ZNF385D: variants seen among roughly 807,000 people sequenced by gnomAD.
ZNF385D encodes the protein zinc finger protein 659.
Under a neutral mutation model 35.8 loss-of-function variants are expected in ZNF385D, and 15 were observed. The ratio of observed to expected loss-of-function variants is 0.42; its 90% CI spans 0.28 to 0.64. The LOEUF is 0.64. Among genes scored for constraint, ZNF385D ranks in the 30% least tolerant of loss-of-function variants. ZNF385D has a pLI of 0.23. For synonymous variants in ZNF385D, 212 were observed against 186.8 expected (o/e 1.13, Z -1.10); for missense variants, 474 against 494.6 (o/e 0.96, Z 0.39).
At chr3:21,931,309 G>T (rs905142478) in intron 3 of ZNF385D, among the ~76,000 whole-genome samples, 1 of 152,116 alleles carries the variant, frequency 6.6e-6, no homozygotes, top group Non-Finnish European at 1.5e-5. Context: ...TATTAGAGAG[G>T]ATGAGGAGAC....
intron 3 of ZNF385D, among the ~76,000 whole-genome samples, chr3:21,923,660 G>C (rs371127952): frequency 1.3e-5 from 2 of 151,796 alleles, no homozygotes; most frequent in South Asian, 4.1e-4. Flanking sequence ...TACACAACAT[G>C]GAATACTATG....
chr3:21,855,724 G>A (rs1015306375), intron 3 of ZNF385D, among the ~76,000 whole-genome samples: 2 of 151,970 alleles, frequency 1.3e-5, no homozygotes, highest in East Asian at 1.9e-4. Context: ...GAATGAGAAG[G>A]TGATATTAAA....
chr3:21,686,923 A>T (rs555968879), intron 1 of ZNF385D, among the ~76,000 whole-genome samples: 3 of 152,298 alleles, frequency 2.0e-5, no homozygotes, highest in Admixed American at 2.0e-4. Flanking sequence ...TGGTTCTCCC[A>T]TCCTGAAAGG....
intron 4 of ZNF385D, among the ~76,000 whole-genome samples, chr3:21,475,843 T>A (rs1704201831): frequency 6.6e-6 from 1 of 152,024 alleles, no homozygotes; most frequent in African/African-American, 2.4e-5. Flanking sequence ...TGAAGGAAAA[T>A]CTTTTTTTTT....
intron 3 of ZNF385D, among the ~76,000 whole-genome samples, chr3:21,912,420 T>C (rs1270772376): frequency 1.3e-5 from 2 of 151,952 alleles, no homozygotes; most frequent in Non-Finnish European, 2.9e-5. Flanking sequence ...AGAGACAAAA[T>C]AGGAAGGAGT....
At chr3:22,356,294 A>G (rs74532072) in intron 2 of ZNF385D, among the ~76,000 whole-genome samples, 4,365 of 152,082 alleles carry the variant, frequency 0.029, 215 homozygotes, top group African/African-American at 0.1. Context: ...CACAGGAGGT[A>G]TATTTCAATG....
intron 3 of ZNF385D, among the ~76,000 whole-genome samples, chr3:21,938,192 G>T (rs1005889012): frequency 6.6e-6 from 1 of 152,150 alleles, no homozygotes; most frequent in Non-Finnish European, 1.5e-5. Flanking sequence ...CGGATAATTT[G>T]TTCTAATACC....
intron 2 of ZNF385D, among the ~76,000 whole-genome samples, chr3:22,216,015 T>G (rs888228269): frequency 6.6e-6 from 1 of 152,040 alleles, no homozygotes; most frequent in African/African-American, 2.4e-5. Context: ...TGCTCCCAGT[T>G]CTGCTCCTAT....
At chr3:21,916,148 T>C (rs956341494) in intron 3 of ZNF385D, among the ~76,000 whole-genome samples, 10 of 152,150 alleles carry the variant, frequency 6.6e-5, no homozygotes, top group Admixed American at 5.2e-4. Context: ...TATCACAAGG[T>C]AAAAACTCTA....
At chr3:21,681,709 AAC>A (rs1411666502) in intron 1 of ZNF385D, among the ~76,000 whole-genome samples, 3 of 150,642 alleles carry the variant, frequency 2.0e-5, no homozygotes, top group Non-Finnish European at 4.4e-5. Context: ...AAAAAAAAAA[AAC>A]AAACAAAAAA....
chr3:21,726,319 T>C (rs1453467312), intron 1 of ZNF385D, among the ~76,000 whole-genome samples: 8 of 152,178 alleles, frequency 5.3e-5, no homozygotes, highest in Non-Finnish European at 1.5e-5. Context: ...TACTGGAAGT[T>C]CTGGCCAGGG....
upstream of ZNF385D, among the ~76,000 whole-genome samples, chr3:21,754,560 C>T (rs924198986): frequency 6.6e-6 from 1 of 151,896 alleles, no homozygotes; most frequent in African/African-American, 2.4e-5. Context: ...TGCCTTGACT[C>T]CTCATCTCAT....
chr3:21,977,595 G>C (rs923236741), intron 3 of ZNF385D, among the ~76,000 whole-genome samples: 1 of 152,110 alleles, frequency 6.6e-6, no homozygotes, highest in South Asian at 2.1e-4. Flanking sequence ...ATAGTGGGAA[G>C]AGTGCTTGAG....
chr3:21,917,708 G>C (rs1700256899), intron 3 of ZNF385D, among the ~76,000 whole-genome samples: 1 of 151,994 alleles, frequency 6.6e-6, no homozygotes, highest in South Asian at 2.1e-4. Context: ...ACTTTATTGG[G>C]AAAAAAATCA....
intron 3 of ZNF385D, among the ~76,000 whole-genome samples, chr3:22,029,120 G>A (rs111318802): frequency 8.6e-4 from 131 of 152,248 alleles, no homozygotes; most frequent in African/African-American, 3.1e-3. Flanking sequence ...GCCACCAGGA[G>A]ACACAACAAT....
chr3:21,751,051 C>G lies in ZNF385D; in HGVS notation c.-135G>C. ...CGTGGAGAGCAGTGAGCGCCGAGAGCGTGCCTCCTCCGCGGGATGAGCGCC... is the reference window on the plus strand; with the variant it reads ...CGTGGAGAGCAGTGAGCGCCGAGAGGGTGCCTCCTCCGCGGGATGAGCGCC... On this transcript the variant is annotated 5_prime_UTR_variant, in exon 1 of 8. Transcript: ENST00000281523. 6.5e-7 allele frequency: 1 copy of G among 1,545,914 alleles called. No homozygotes were observed. Among genetic ancestry groups the G allele is most frequent in the South Asian group, 1.2e-5 (1 of 81,156 alleles).
chr3:22,183,965 T>C (rs555085508), intron 2 of ZNF385D, among the ~76,000 whole-genome samples: 161 of 152,272 alleles, frequency 1.1e-3, no homozygotes, highest in Non-Finnish European at 1.7e-3. Context: ...ATTTAAGAAA[T>C]GTAGGGTACA....
chr3:22,273,413 A>G (rs1701276059), intron 2 of ZNF385D, among the ~76,000 whole-genome samples: 1 of 151,950 alleles, frequency 6.6e-6, no homozygotes, highest in Non-Finnish European at 1.5e-5. Flanking sequence ...AAATATTTGC[A>G]ACTGGAACTC....
intron 6 of ZNF385D, 144 bp downstream of exon 6, chr3:21,425,348 G>T (rs1370721476): frequency 4.0e-6 from 3 of 743,844 alleles, no homozygotes; most frequent in Non-Finnish European, 5.9e-6. Flanking sequence ...AGATAAGTGG[G>T]TTAACAGATG....
Sources: gnomAD v4.1 joint callset for allele counts (sites outside exome capture counted in the v4.1 genomes callset) on GRCh38, gnomAD v4.1.1 for gene constraint, MANE v1.5 for transcripts, NCBI Gene and HGNC (gene_info 2026-07-23, HGNC 2026-07-21) for gene names.